PRKACB: variants seen among roughly 807,000 people sequenced by gnomAD.
PRKACB encodes the protein cAMP-dependent protein kinase catalytic subunit beta.
Under a neutral mutation model 51.4 loss-of-function variants are expected in PRKACB, and 16 were observed. The observed-to-expected ratio is 0.31, with a 90% CI of 0.21 to 0.47. The LOEUF (loss-of-function observed/expected upper bound fraction) is 0.47, where lower values mean the gene tolerates loss of function less well. Ranked by LOEUF, PRKACB falls within the 20% of genes least tolerant of loss-of-function variation. The probability of loss-of-function intolerance (pLI) is 1.00; values close to 1 mark genes in which losing one functional copy is unlikely to be tolerated. For synonymous variants in PRKACB, 147 were observed against 154.4 expected (o/e 0.95, Z 0.35); for missense variants, 309 against 464.5 (o/e 0.67, Z 3.08).
chr1:84,162,622 A>G (rs1301504143), intron 1 of PRKACB, among the ~76,000 whole-genome samples: 1 of 151,816 alleles, frequency 6.6e-6, no homozygotes, highest in Non-Finnish European at 1.5e-5. Context: ...TCAAATCTGC[A>G]CTTTTTATTT....
intron 1 of PRKACB, among the ~76,000 whole-genome samples, chr1:84,150,231 T>C (rs931745032): frequency 3.3e-5 from 5 of 152,012 alleles, no homozygotes; most frequent in Admixed American, 3.3e-4. Context: ...TGAGGTGAGA[T>C]TGCACCACTG....
chr1:84,201,692 G>T (rs932201625), intron 7 of PRKACB, among the ~76,000 whole-genome samples: 1 of 151,984 alleles, frequency 6.6e-6, no homozygotes, highest in Admixed American at 6.6e-5. Context: ...CAAAAGGGTG[G>T]AATGTGGTGA....
At chr1:84,199,840 A>G (rs796669714) in intron 7 of PRKACB, among the ~76,000 whole-genome samples, 28 of 151,184 alleles carry the variant, frequency 1.9e-4, no homozygotes, top group African/African-American at 6.8e-4. Flanking sequence ...TTGTTTATTT[A>G]TTTATTTATT....
chr1:84,087,518 T>C (rs918061611), intron 1 of PRKACB, among the ~76,000 whole-genome samples: 1 of 152,216 alleles, frequency 6.6e-6, no homozygotes, highest in African/African-American at 2.4e-5. Flanking sequence ...TTTAGCAATT[T>C]CAAAAGCTAG....
chr1:84,134,827 C>G (rs1473436265), intron 1 of PRKACB, among the ~76,000 whole-genome samples: 1 of 152,184 alleles, frequency 6.6e-6, no homozygotes, highest in Non-Finnish European at 1.5e-5. Flanking sequence ...AAAAGCAAGA[C>G]TTCCTCCCAT....
intron 1 of PRKACB, among the ~76,000 whole-genome samples, chr1:84,118,319 A>G (rs1443795006): frequency 2.0e-5 from 3 of 152,076 alleles, no homozygotes; most frequent in African/African-American, 7.2e-5. Flanking sequence ...ATGATTATCT[A>G]TTCATAATTG....
Position 84,232,977 on chromosome 1 carries a change from G to T in PRKACB, c.1072-2203G>T, listed in dbSNP as rs1347538733. 5.3e-5 allele frequency among the ~76,000 whole-genome samples: 8 copies of T among 151,574 alleles called. No individual in the cohort carries two copies. The South Asian group carries it at 8.5e-4, about 16-fold the overall frequency. On this transcript the variant is annotated intron_variant, in intron 9 of 9. Coordinates refer to ENST00000370685, the MANE Select transcript of PRKACB (RefSeq NM_182948.4). The stretch of plus-strand genomic sequence containing the variant: ...CATTATGATGTTAGCTTGTTATTTT[G>T]CTCGTTAGTTGATGCAGTTTCTTCA...
intron 1 of PRKACB, among the ~76,000 whole-genome samples, chr1:84,124,844 A>G (rs2139931): frequency 0.18 from 27,475 of 152,116 alleles, 2,796 homozygotes; most frequent in South Asian, 0.25. Context: ...TAGTAGATCA[A>G]TGAAATTTTC....
At chr1:84,177,088 T>C (rs1402875450) in intron 1 of PRKACB, among the ~76,000 whole-genome samples, 2 of 152,060 alleles carry the variant, frequency 1.3e-5, no homozygotes, top group African/African-American at 2.4e-5. Context: ...TACCTTCCCT[T>C]ACTCTTTTCT....
At chr1:84,128,007 C>CTTTTTTTTT (rs10537848) in intron 1 of PRKACB, among the ~76,000 whole-genome samples, 99 of 105,300 alleles carry the variant, frequency 9.4e-4, no homozygotes, top group Non-Finnish European at 1.2e-3. Flanking sequence ...CTTTTTTTTT[C>CTTTTTTTTT]TTTTTTTTTT....
chr1:84,191,965 A>G (rs918720695), intron 5 of PRKACB, among the ~76,000 whole-genome samples: 1 of 152,178 alleles, frequency 6.6e-6, no homozygotes, highest in African/African-American at 2.4e-5. Flanking sequence ...CTAGACAACT[A>G]TGTCAGATAT....
rs1571618746 is a variant in PRKACB at position 84,110,837 on chromosome 1, TC to T, written c.46+32468del. ...AATTATCGTTTCCTGAATCTGCACT[TC>T]CTATTTTGGTGAAAATGATGCACCT... On this transcript the variant is annotated intron_variant, in intron 1 of 8. Transcript: ENST00000370688. 2.0e-5 allele frequency among the ~76,000 whole-genome samples: 3 copies of T among 152,158 alleles called. No individual in the cohort carries two copies. In the East Asian group the frequency reaches 5.8e-4, roughly 29 times the overall value.
chr1:84,137,653 T>C (rs1652960008), intron 1 of PRKACB, among the ~76,000 whole-genome samples: 1 of 152,206 alleles, frequency 6.6e-6, no homozygotes, highest in South Asian at 2.1e-4. Context: ...TGAAAATAAG[T>C]GGAGTCCGTA....
chr1:84,175,679 T>A (rs1272925734), intron 1 of PRKACB: 1 of 785,692 alleles, frequency 1.3e-6, no homozygotes, highest in East Asian at 2.9e-5. Flanking sequence ...TGAGGGGGGA[T>A]AAGAAGTAAG....
chr1:84,104,910 A>G (rs915662052), intron 1 of PRKACB, among the ~76,000 whole-genome samples: 4 of 152,192 alleles, frequency 2.6e-5, no homozygotes, highest in Non-Finnish European at 5.9e-5. Flanking sequence ...CTAGTTGGGC[A>G]GTTATGGTGA....
rs1671103126 is a variant in PRKACB, at chr1:84,204,968, A to T, written c.906+2163A>T. 4.1e-6 allele frequency: 4 copies of T among 980,974 alleles called. No homozygotes were observed. In the South Asian group the frequency reaches 1.9e-4, roughly 46 times the overall value. The allele number at this position is 980,974 out of a possible 1,614,324, so 60.8% of individuals were successfully genotyped here. The stretch of plus-strand genomic sequence containing the variant: ...AAACTTTAAAATTTTGTATCTAATA[A>T]TCAGCATATATTCTAAAATCATAAC... On this transcript the variant is annotated intron_variant, in intron 8 of 9. Coordinates refer to ENST00000370685, the MANE Select transcript of PRKACB (RefSeq NM_182948.4).
chr1:84,114,811 T>TA (rs1176808019), intron 1 of PRKACB, among the ~76,000 whole-genome samples: 1 of 152,208 alleles, frequency 6.6e-6, no homozygotes, highest in African/African-American at 2.4e-5. Context: ...GTGTCTGGCT[T>TA]ATTTCAGTTT....
chr1:84,081,064 T>C (rs757058829), intron 1 of PRKACB, among the ~76,000 whole-genome samples: 93 of 152,280 alleles, frequency 6.1e-4, no homozygotes, highest in Admixed American at 4.6e-3. Context: ...CTCTGAAAAT[T>C]GCTGTATGAA....
At chr1:84,129,895 C>T (rs1377373608) in intron 1 of PRKACB, among the ~76,000 whole-genome samples, 1 of 152,178 alleles carries the variant, frequency 6.6e-6, no homozygotes, top group East Asian at 1.9e-4. Context: ...AGTCAGAATT[C>T]CAGAACTGTA....
Sources: gnomAD v4.1 joint callset for allele counts (sites outside exome capture counted in the v4.1 genomes callset) on GRCh38, gnomAD v4.1.1 for gene constraint, MANE v1.5 for transcripts, NCBI Gene and HGNC (gene_info 2026-07-23, HGNC 2026-07-21) for gene names.